Variants in ASCC1 observed in about 807,000 individuals in gnomAD.
ASCC1 encodes ASC-1 complex subunit P50.
Under a neutral mutation model 46.6 loss-of-function variants are expected in ASCC1, and 35 were observed. That is an observed-to-expected ratio of 0.75 (90% CI 0.57 to 0.99). The LOEUF is 0.99. ASCC1 is among the 50% of genes least tolerant of loss of function. The probability of loss-of-function intolerance (pLI) is 0.00; values close to 1 mark genes in which losing one functional copy is unlikely to be tolerated. For synonymous variants in ASCC1, 143 were observed against 146.6 expected (o/e 0.98, Z 0.18); for missense variants, 376 against 428.7 (o/e 0.88, Z 1.09).
intron 9 of ASCC1, among the ~76,000 whole-genome samples, chr10:72,100,416 G>A (rs1410092615): frequency 1.3e-5 from 2 of 151,946 alleles, no homozygotes; most frequent in East Asian, 1.9e-4. Context: ...CAGTAGAGAC[G>A]GGGTTTCTCC....
intron 5 of ASCC1, among the ~76,000 whole-genome samples, chr10:72,193,850 T>C (rs1854937052): frequency 6.6e-6 from 1 of 151,738 alleles, no homozygotes. Context: ...TGATTTTTTT[T>C]TTTTTTTTTG....
intron 9 of ASCC1, among the ~76,000 whole-genome samples, chr10:72,103,493 T>A (rs1047538628): frequency 2.0e-5 from 3 of 152,082 alleles, no homozygotes; most frequent in African/African-American, 7.3e-5. Flanking sequence ...GCTTAAGTAA[T>A]TTGCCTAAAG....
intron 5 of ASCC1, among the ~76,000 whole-genome samples, chr10:72,169,455 T>A (rs1165044596): frequency 1.3e-5 from 2 of 151,844 alleles, no homozygotes; most frequent in Admixed American, 6.6e-5. Context: ...AAAAGACAAG[T>A]GCAGAAGAGC....
At chr10:72,130,552 C>T (rs971630093) in intron 8 of ASCC1, among the ~76,000 whole-genome samples, 5 of 152,242 alleles carry the variant, frequency 3.3e-5, no homozygotes, top group Admixed American at 1.3e-4. Flanking sequence ...TGAACTCTTC[C>T]TGTGTTAAGA....
At chr10:72,114,057 A>AGCT (rs879759659) in intron 9 of ASCC1, among the ~76,000 whole-genome samples, 1 of 152,236 alleles carries the variant, frequency 6.6e-6, no homozygotes, top group Non-Finnish European at 1.5e-5. Context: ...GCATAAATGA[A>AGCT]GCTGCCTTCA....
Position 72,153,003 on chromosome 10 carries a change from G to T in ASCC1, c.627-15C>A, listed in dbSNP as rs1848549018. 6.2e-7 allele frequency: 1 copy of T among 1,613,802 alleles called. No homozygotes were observed. Among genetic ancestry groups the T allele is most frequent in the South Asian group, 1.1e-5 (1 of 91,088 alleles). The stretch of plus-strand genomic sequence containing the variant: ...CAGAAATATCACTGCAAAGGAAAAA[G>T]CATTAAGATATCTATAACTGTTTAA... On this transcript the variant is annotated splice_polypyrimidine_tract_variant and intron_variant, in intron 6 of 9. Coordinates refer to ENST00000672957, the MANE Select transcript of ASCC1 (RefSeq NM_001198800.3).
chr10:72,124,723 C>CTTTTTT (rs34682603), intron 9 of ASCC1, among the ~76,000 whole-genome samples: 3 of 118,652 alleles, frequency 2.5e-5, no homozygotes, highest in African/African-American at 3.5e-5. Flanking sequence ...CAAACAACAT[C>CTTTTTT]TTTTTTTTTT....
chr10:72,190,007 C>T, intron 5 of ASCC1: 3 of 758,250 alleles, frequency 4.0e-6, no homozygotes, highest in East Asian at 2.4e-5. Context: ...GTGCTTTCTT[C>T]TGAGGGTCCA....
rs1305779917 is a variant in ASCC1, at chr10:72,196,985, GAT to G, written c.313_314del (p.Ile105HisfsTer16). Reference sequence around the variant, plus strand: ...TTACACCATTTCGATGCTGGCCAGTGATTACTGTAAACAAAGAAGAAAGGGTA... The same window carrying G: ...TTACACCATTTCGATGCTGGCCAGTGTACTGTAAACAAAGAAGAAAGGGTA... ...PKPGQDGEIV[I>X]TGQHRNGVIS... On this transcript the variant is annotated frameshift_variant and splice_region_variant, in exon 5 of 10. Coordinates refer to ENST00000672957, the MANE Select transcript of ASCC1 (RefSeq NM_001198800.3). LOFTEE classifies it high-confidence loss of function. The G allele has an allele frequency of 6.2e-6, 10 of 1,613,524 alleles. No individual in the cohort carries two copies. In the South Asian group the frequency reaches 1.1e-4, roughly 18 times the overall value.
At chr10:72,145,945 T>C (rs771182705) in intron 7 of ASCC1, among the ~76,000 whole-genome samples, 1 of 152,226 alleles carries the variant, frequency 6.6e-6, no homozygotes, top group Non-Finnish European at 1.5e-5. Flanking sequence ...ACCCTGCCTG[T>C]TCTGCAGCCT....
At chr10:72,203,839 C>G (rs774540813) in intron 3 of ASCC1, among the ~76,000 whole-genome samples, 1 of 152,162 alleles carries the variant, frequency 6.6e-6, no homozygotes, top group Non-Finnish European at 1.5e-5. Context: ...AGCTGGCCAG[C>G]AGGTGCAGTG....
chr10:72,131,236 T>C (rs1350229337), intron 8 of ASCC1, among the ~76,000 whole-genome samples: 2 of 152,096 alleles, frequency 1.3e-5, no homozygotes, highest in Admixed American at 6.5e-5. Context: ...CTGGCCAAGA[T>C]GGTGAAACCC....
In ASCC1 at chr10:72,203,437, G is replaced by C. The variant is rs752290786; in HGVS notation, c.300C>G (p.Asp100Glu). The change falls in exon 4 of 10, where the codon GAC (aspartate) becomes GAG (glutamate). Residue 100 changes from aspartate (D) to glutamate (E), a missense_variant. Coordinates refer to ENST00000672957, the MANE Select transcript of ASCC1 (RefSeq NM_001198800.3). ...TSISIPKPGQDGEIVITGQHR... is the reference protein window; with the variant it reads ...TSISIPKPGQEGEIVITGQHR... The stretch of plus-strand genomic sequence containing the variant: ...TCTACTGAGTCTCACCAATTTCCCC[G>C]TCTTGTCCAGGTTTAGGAATGCTAA... The C allele has an allele frequency of 3.0e-5, 48 of 1,611,860 alleles. No individual in the cohort carries two copies. The highest frequency in any genetic ancestry group is 5.0e-5 in the Admixed American group (3 of 59,984).
intron 7 of ASCC1, among the ~76,000 whole-genome samples, chr10:72,148,449 T>C (rs189457126): frequency 2.6e-5 from 4 of 152,322 alleles, no homozygotes; most frequent in Admixed American, 2.0e-4. Context: ...AGACAAATTA[T>C]AGTTATTCAG....
rs1853303939 is a variant in ASCC1, at chr10:72,185,397, G to T, written c.489+11414C>A. Among the ~76,000 whole-genome samples, 3 of 152,230 alleles carry T rather than the reference G, an allele frequency of 2.0e-5. 1 individual carries two copies. The South Asian group carries it at 6.2e-4, about 32-fold the overall frequency. On this transcript the variant is annotated intron_variant, in intron 5 of 9. Coordinates refer to ENST00000672957, the MANE Select transcript of ASCC1 (RefSeq NM_001198800.3). ...AGTTGAATAGATAAAGAAATCTCCA[G>T]CTATAAACAATCCAAACATCTATCA...
chr10:72,172,916 A>G (rs1851400127), intron 5 of ASCC1, among the ~76,000 whole-genome samples: 1 of 133,936 alleles, frequency 7.5e-6, no homozygotes, highest in Non-Finnish European at 1.6e-5. Context: ...TTATATTTTT[A>G]TATTATATAT....
In ASCC1 at chr10:72,101,993, A is replaced by C. The variant is rs929591625; in HGVS notation, c.958-4543T>G. ...GACACTGGGGCCTCCTTGAGGGTGG[A>C]GGGAGGGAGGAGGGAGAGAAGCAGA... On this transcript the variant is annotated intron_variant, in intron 9 of 9. Transcript: ENST00000672957. 9.2e-5 allele frequency among the ~76,000 whole-genome samples: 14 copies of C among 152,184 alleles called. 1 individual carries two copies. Among genetic ancestry groups the C allele is most frequent in the African/African-American group, 3.4e-4 (14 of 41,484 alleles).
chr10:72,178,347 G>A (rs924982007), intron 5 of ASCC1, among the ~76,000 whole-genome samples: 3 of 152,168 alleles, frequency 2.0e-5, no homozygotes, highest in Non-Finnish European at 4.4e-5. Flanking sequence ...ATTATATTAT[G>A]TTCTATGGTA....
chr10:72,159,368 G>A (rs1849356589), intron 6 of ASCC1: 1 of 152,176 alleles, frequency 6.6e-6, no homozygotes. Context: ...GAGGAACTCA[G>A]CTAAATCTTT....
Sources: gnomAD v4.1 joint callset for allele counts (sites outside exome capture counted in the v4.1 genomes callset) on GRCh38, gnomAD v4.1.1 for gene constraint, MANE v1.5 for transcripts, NCBI Gene and HGNC (gene_info 2026-07-23, HGNC 2026-07-21) for gene names.